Variants in SEM1 observed in about 807,000 individuals in gnomAD.
SEM1 encodes the protein 26S proteasome complex subunit SEM1.
Under a neutral mutation model 12.7 loss-of-function variants are expected in SEM1, and 3 were observed. The observed-to-expected ratio is 0.24, with a 90% CI of 0.11 to 0.61. The LOEUF is 0.61. SEM1 is among the 20% of genes least tolerant of loss of function. The probability of loss-of-function intolerance (pLI) is 0.88; values close to 1 mark genes in which losing one functional copy is unlikely to be tolerated. For missense variants in SEM1, 59 were observed against 81.3 expected (o/e 0.73, Z 1.06); for synonymous variants, 30 against 27.8 (o/e 1.08, Z -0.25).
chr7:96,629,417 T>G (rs143858732), intron 2 of SEM1, among the ~76,000 whole-genome samples: 10 of 152,048 alleles, frequency 6.6e-5, no homozygotes, highest in African/African-American at 2.4e-4. Flanking sequence ...GCTTGATCAA[T>G]TCTCCTATTA....
intron 2 of SEM1, among the ~76,000 whole-genome samples, chr7:96,529,751 C>T (rs759394500): frequency 6.6e-6 from 1 of 152,234 alleles, no homozygotes; most frequent in East Asian, 1.9e-4. Context: ...CCTCAGCAAT[C>T]GTTGGGGAGA....
intron 2 of SEM1, among the ~76,000 whole-genome samples, chr7:96,608,745 A>G (rs981786890): frequency 3.3e-5 from 5 of 152,242 alleles, no homozygotes; most frequent in African/African-American, 4.8e-5. Flanking sequence ...TGTAGCATGT[A>G]CAATACTTCC....
intron 2 of SEM1, among the ~76,000 whole-genome samples, chr7:96,545,863 G>A (rs1436412517): frequency 6.6e-6 from 1 of 152,048 alleles, no homozygotes; most frequent in African/African-American, 2.4e-5. Context: ...GATCCAAATT[G>A]TCTAGCTTAC....
chr7:96,573,421 T>C (rs1238364711), intron 2 of SEM1, among the ~76,000 whole-genome samples: 1 of 152,218 alleles, frequency 6.6e-6, no homozygotes, highest in African/African-American at 2.4e-5. Context: ...TTCCTTTCCA[T>C]ATTTAGTGCT....
chr7:96,578,327 G>C (rs762426712), intron 2 of SEM1, among the ~76,000 whole-genome samples: 4 of 151,518 alleles, frequency 2.6e-5, no homozygotes, highest in Admixed American at 6.6e-5. Flanking sequence ...ACTGCAGATT[G>C]CCAAAGAAAA....
intron 1 of SEM1, among the ~76,000 whole-genome samples, chr7:96,698,102 G>T (rs920820192): frequency 6.6e-6 from 1 of 152,072 alleles, no homozygotes; most frequent in Non-Finnish European, 1.5e-5. Flanking sequence ...GGCAGAGTCT[G>T]AAACAAAGGA....
At chr7:96,610,228 T>A (rs1489216231) in intron 2 of SEM1, among the ~76,000 whole-genome samples, 2 of 152,084 alleles carry the variant, frequency 1.3e-5, no homozygotes, top group Non-Finnish European at 2.9e-5. Flanking sequence ...GCCTCTCAAG[T>A]ACCTGGGATT....
At chr7:96,556,287 A>G (rs9771382) in intron 2 of SEM1, among the ~76,000 whole-genome samples, 91,620 of 149,840 alleles carry the variant, frequency 0.61, 28,807 homozygotes, top group Non-Finnish European at 0.69. Flanking sequence ...TCCTAGTCTC[A>G]ATGGTCTTTA....
chr7:96,513,072 GTTA>G (rs1297632719), intron 2 of SEM1, among the ~76,000 whole-genome samples: 7 of 152,102 alleles, frequency 4.6e-5, no homozygotes, highest in Admixed American at 2.0e-4. Context: ...TTAAGATGAG[GTTA>G]TTATGATAGG....
chr7:96,592,344 C>A (rs1359719075), intron 2 of SEM1, among the ~76,000 whole-genome samples: 1 of 151,878 alleles, frequency 6.6e-6, no homozygotes. Flanking sequence ...AGGCACTTGC[C>A]CCCAACTGAG....
At chr7:96,585,641 C>T (rs562230559) in intron 2 of SEM1, among the ~76,000 whole-genome samples, 17 of 152,348 alleles carry the variant, frequency 1.1e-4, no homozygotes, top group Admixed American at 6.5e-4. Flanking sequence ...TAGGACCCTC[C>T]GAGCCAGGTG....
chr7:96,666,130 T>C (rs906374246), intron 2 of SEM1, among the ~76,000 whole-genome samples: 4 of 152,198 alleles, frequency 2.6e-5, no homozygotes, highest in African/African-American at 9.7e-5. Context: ...ACATTCTTAC[T>C]TACAGACACA....
chr7:96,574,035 G>A (rs10953188), intron 2 of SEM1, among the ~76,000 whole-genome samples: 106,063 of 151,620 alleles, frequency 0.7, 37,581 homozygotes, highest in East Asian at 0.88. Context: ...TGCTGCACCC[G>A]TTAACTCATC....
chr7:96,685,553 GTTTT>G (rs991019527), downstream of SEM1, among the ~76,000 whole-genome samples: 2 of 151,990 alleles, frequency 1.3e-5, no homozygotes, highest in Non-Finnish European at 2.9e-5. Flanking sequence ...CATTGAAGAC[GTTTT>G]TTGTTTCGTT....
Position 96,683,100 on chromosome 7 carries a change from T to C in SEM1, c.171-9241A>G, listed in dbSNP as rs1207760664. Among the ~76,000 whole-genome samples, 6 of 151,832 alleles carry C rather than the reference T, an allele frequency of 4.0e-5. No homozygotes were observed. The South Asian group carries it at 6.2e-4, about 16-fold the overall frequency. On this transcript the variant is annotated intron_variant, in intron 2 of 2. Transcript: ENST00000413065. ...TAGAAATAGGAACGCTTTTACACTG[T>C]TGGTGGGAATGTAAATTAGTTCAAA...
intron 2 of SEM1, among the ~76,000 whole-genome samples, chr7:96,528,013 G>C (rs1804522498): frequency 6.6e-6 from 1 of 152,102 alleles, no homozygotes; most frequent in Admixed American, 6.6e-5. Context: ...TGATGTTTCT[G>C]TATTTTGCTG....
rs1306634845 is a variant in SEM1 at position 96,575,429 on chromosome 7, C to A, written c.171-68731G>T. On this transcript the variant is annotated intron_variant and NMD_transcript_variant, in intron 2 of 3. Transcript: ENST00000466986. ...CCCCTGCTGGGAGGTGTCTCCCAGA[C>A]AGGAGGCATGGGGGTCAGGGACCCA... Among the ~76,000 whole-genome samples, 3 of 152,184 alleles carry A rather than the reference C, an allele frequency of 2.0e-5. No homozygotes were observed. In the East Asian group the frequency reaches 5.8e-4, roughly 29 times the overall value.
chr7:96,556,494 T>C (rs1469547389), intron 2 of SEM1, among the ~76,000 whole-genome samples: 3 of 152,206 alleles, frequency 2.0e-5, no homozygotes, highest in Non-Finnish European at 2.9e-5. Flanking sequence ...AAAATTCTTT[T>C]CTTTAAGAAT....
At chr7:96,549,749 GTTC>G (rs1358703476) in intron 2 of SEM1, among the ~76,000 whole-genome samples, 2 of 152,064 alleles carry the variant, frequency 1.3e-5, no homozygotes, top group Non-Finnish European at 2.9e-5. Context: ...ATTTCCAAAT[GTTC>G]TTATTTAGTT....
Sources: allele counts gnomAD v4.1 joint callset (sites outside exome capture counted in the v4.1 genomes callset), GRCh38; gene constraint gnomAD v4.1.1; transcripts MANE v1.5; gene names NCBI Gene and HGNC (gene_info 2026-07-23, HGNC 2026-07-21).